TASP1: variants seen among roughly 807,000 people sequenced by gnomAD.
The protein encoded by TASP1 is threonine aspartase 1.
Under a neutral mutation model 56.6 loss-of-function variants are expected in TASP1, and 16 were observed. The observed-to-expected ratio is 0.28, with a 90% confidence interval of 0.19 to 0.43. The LOEUF is 0.43. Ranked by LOEUF, TASP1 falls within the 20% of genes least tolerant of loss-of-function variation. The pLI is 1.00. For synonymous variants in TASP1, 179 were observed against 184.2 expected (o/e 0.97, Z 0.23); for missense variants, 393 against 511.6 (o/e 0.77, Z 2.24).
chr20:13,526,001 C>T (rs1319463958), intron 10 of TASP1, among the ~76,000 whole-genome samples: 1 of 152,088 alleles, frequency 6.6e-6, no homozygotes, highest in Non-Finnish European at 1.5e-5. Context: ...ACAGGATAGG[C>T]AAAAGAGGAA....
At chr20:13,396,391 C>T (rs1251623767) in intron 13 of TASP1, among the ~76,000 whole-genome samples, 1 of 152,158 alleles carries the variant, frequency 6.6e-6, no homozygotes, top group East Asian at 1.9e-4. Flanking sequence ...CATGAACCTT[C>T]TTAATATAGT....
At chr20:13,268,195 G>A in the TASP1 span, among the ~76,000 whole-genome samples, 1 of 118,862 alleles carries the variant, frequency 8.4e-6, no homozygotes, top group Non-Finnish European at 1.7e-5. Context: ...TCTTCACTTC[G>A]CTTCTCTTCT....
At chr20:13,247,779 A>C in the TASP1 span, among the ~76,000 whole-genome samples, 2 of 152,274 alleles carry the variant, frequency 1.3e-5, no homozygotes, top group African/African-American at 4.8e-5. Context: ...TGAGGCTCAG[A>C]TGTATTGACA....
At chr20:13,124,490 G>A in the TASP1 span, among the ~76,000 whole-genome samples, 1 of 151,932 alleles carries the variant, frequency 6.6e-6, no homozygotes, top group Non-Finnish European at 1.5e-5. Context: ...AAGCTAGAAG[G>A]AAAGGAAGAA....
At chr20:13,462,053 G>C (rs2044073557) in intron 11 of TASP1, among the ~76,000 whole-genome samples, 1 of 152,108 alleles carries the variant, frequency 6.6e-6, no homozygotes, top group African/African-American at 2.4e-5. Context: ...GACCATCAGA[G>C]ACATTGTGGA....
chr20:13,117,464 G>T, the TASP1 span: 1 of 1,518,704 alleles, frequency 6.6e-7, no homozygotes, highest in Non-Finnish European at 8.9e-7. Context: ...AGCTTCCCAG[G>T]AGGGTATTTG....
chr20:13,159,926 A>G, the TASP1 span: 4 of 1,450,278 alleles, frequency 2.8e-6, no homozygotes, highest in Non-Finnish European at 3.7e-6. Context: ...AATTAGCCAT[A>G]TTCCTTTTTT....
At chr20:13,569,615 TCA>T (rs751380614) in intron 6 of TASP1, 29 bp from the exon 7 acceptor site, 10 of 1,577,298 alleles carry the variant, frequency 6.3e-6, no homozygotes, top group African/African-American at 1.4e-5. Context: ...TTTTTAAAAT[TCA>T]CAGTGTCATC....
At chr20:13,235,354 A>T in the TASP1 span, among the ~76,000 whole-genome samples, 1 of 152,354 alleles carries the variant, frequency 6.6e-6, no homozygotes, top group Middle Eastern at 3.4e-3. Flanking sequence ...AAAAGTGGTC[A>T]TGGGCTTTGG....
chr20:13,550,185 C>CAG (rs34234918), intron 8 of TASP1, among the ~76,000 whole-genome samples: 7 of 148,468 alleles, frequency 4.7e-5, no homozygotes, highest in South Asian at 2.1e-4. Flanking sequence ...CACACACACA[C>CAG]AGAGACACTG....
At chr20:13,319,114 G>C in the TASP1 span, among the ~76,000 whole-genome samples, 3 of 152,238 alleles carry the variant, frequency 2.0e-5, no homozygotes, top group East Asian at 5.8e-4. Context: ...ATGTCTCTAT[G>C]GGGGCAGGGG....
At chr20:13,546,385 A>C (rs973781001) in intron 8 of TASP1, among the ~76,000 whole-genome samples, 5 of 152,200 alleles carry the variant, frequency 3.3e-5, no homozygotes, top group African/African-American at 1.2e-4. Context: ...GATATTTTAC[A>C]AACCTCAACA....
chr20:13,438,690 A>G (rs1370070084), intron 11 of TASP1, among the ~76,000 whole-genome samples: 5 of 152,232 alleles, frequency 3.3e-5, no homozygotes, highest in Non-Finnish European at 7.3e-5. Context: ...CTGCACAGCA[A>G]AAGAAACCAC....
the TASP1 span, among the ~76,000 whole-genome samples, chr20:13,253,242 A>C: frequency 2.6e-5 from 4 of 151,408 alleles, no homozygotes; most frequent in Middle Eastern, 0.014. Context: ...TTGATCTCTT[A>C]TGTCACTTGC....
the TASP1 span, among the ~76,000 whole-genome samples, chr20:13,121,455 A>G: frequency 6.6e-6 from 1 of 152,176 alleles, no homozygotes; most frequent in Non-Finnish European, 1.5e-5. Flanking sequence ...GTTTATTCTA[A>G]GAGTCTCCTG....
At chr20:13,254,021 C>T in the TASP1 span, among the ~76,000 whole-genome samples, 2 of 148,338 alleles carry the variant, frequency 1.3e-5, no homozygotes, top group Admixed American at 6.8e-5. Context: ...AGTTCAAGAC[C>T]AGCCTGGCCA....
At chr20:13,138,113 T>C in the TASP1 span, among the ~76,000 whole-genome samples, 2 of 152,222 alleles carry the variant, frequency 1.3e-5, no homozygotes, top group Non-Finnish European at 2.9e-5. Context: ...ACAGTCAGTA[T>C]CATTTTCTTC....
chr20:13,161,315 GA>G, the TASP1 span, among the ~76,000 whole-genome samples: 1 of 152,176 alleles, frequency 6.6e-6, no homozygotes, highest in Non-Finnish European at 1.5e-5. Flanking sequence ...CTCAGTCCTA[GA>G]CATGTTGAGA....
At chr20:13,538,293 C>T (rs959180750) in intron 8 of TASP1, among the ~76,000 whole-genome samples, 9 of 152,292 alleles carry the variant, frequency 5.9e-5, no homozygotes, top group African/African-American at 2.2e-4. Flanking sequence ...CATGAGCCAC[C>T]AGGCCCAGCC....
Sources: gnomAD v4.1 joint callset for allele counts (sites outside exome capture counted in the v4.1 genomes callset) on GRCh38, gnomAD v4.1.1 for gene constraint, MANE v1.5 for transcripts, NCBI Gene and HGNC (gene_info 2026-07-23, HGNC 2026-07-21) for gene names.